Variants in CCNO observed in about 807,000 individuals in gnomAD.
CCNO encodes the protein cyclin O.
Under a neutral mutation model 23.9 loss-of-function variants are expected in CCNO, and 24 were observed. That is an observed-to-expected ratio of 1.00 (90% CI 0.73 to 1.41). The LOEUF (loss-of-function observed/expected upper bound fraction) is 1.41, where lower values mean the gene tolerates loss of function less well. Among genes scored for constraint, CCNO ranks in the 40% most tolerant of loss-of-function variants. The pLI, the probability that CCNO is intolerant of heterozygous loss-of-function variation, is 0.00. For synonymous variants in CCNO, 241 were observed against 225.7 expected (o/e 1.07, Z -0.61); for missense variants, 542 against 476.2 (o/e 1.14, Z -1.29).
chr5:55,231,362 C>T lies in CCNO; in HGVS notation c.*13G>A, dbSNP rs1342315516. On this transcript the variant is annotated 3_prime_UTR_variant, in exon 3 of 3. Transcript: ENST00000282572. ...AGCCGGGCCAGGGACTAAAAGGAAA[C>T]GAAGGATCTGTTTTATTTCGAGCTC... 6.2e-7 allele frequency: 1 copy of T among 1,612,160 alleles called. No individual in the cohort carries two copies. Among genetic ancestry groups the T allele is most frequent in the African/African-American group, 1.3e-5 (1 of 75,018 alleles).
chr5:55,231,419 C>A lies in CCNO; in HGVS notation c.1009G>T (p.Val337Phe), dbSNP rs781019332. The A allele has an allele frequency of 1.2e-6, 2 of 1,614,122 alleles. No homozygotes were observed. The highest frequency in any genetic ancestry group is 1.1e-5 in the South Asian group (1 of 91,082). The change falls in exon 3 of 3, where the codon GTT (valine) becomes TTT (phenylalanine). Residue 337 changes from valine (V) to phenylalanine (F), a missense_variant. By Grantham distance (50) the Val-to-Phe change is conservative. Coordinates refer to ENST00000282572, the MANE Select transcript of CCNO (RefSeq NM_021147.5). ...AGGCTGCACTTCTCGCAGATCTGAA[C>A]GGGCAGCATGTGAGTCAAGGAAGTA... Reference protein sequence around the residue: ...NSTSLTHMLPVQICEKCSLPP... With the variant: ...NSTSLTHMLPFQICEKCSLPP...
chr5:55,232,603 G>T (rs994757037), intron 1 of CCNO, 57 bp from the exon 2 acceptor site: 3 of 1,501,432 alleles, frequency 2.0e-6, no homozygotes, highest in Non-Finnish European at 2.8e-6. Flanking sequence ...GAGGGACTGT[G>T]GAAGGGAAGG....
intron 1 of CCNO, chr5:55,232,805 G>A (rs754783206): frequency 1.9e-5 from 11 of 590,632 alleles, no homozygotes; most frequent in South Asian, 8.5e-5. Flanking sequence ...GAAGGGGAGG[G>A]GTTCCATTTT....
At chr5:55,232,663 T>G in intron 1 of CCNO, 117 bp from the exon 2 acceptor site, 1 of 970,302 alleles carries the variant, frequency 1.0e-6, no homozygotes, top group Admixed American at 2.4e-5. Context: ...CAAGAAGATT[T>G]CAGAAAGAGA....
intron 1 of CCNO, chr5:55,232,925 T>C (rs2111720468): frequency 1.7e-6 from 1 of 604,724 alleles, no homozygotes; most frequent in East Asian, 2.8e-5. Context: ...GTAGCCAGCT[T>C]GGGACGGGGC....
In CCNO at chr5:55,231,617, C is replaced by T. The variant is rs779886252; in HGVS notation, c.811G>A (p.Ala271Thr). 4 of 1,610,514 alleles carry T rather than the reference C, an allele frequency of 2.5e-6. No individual in the cohort carries two copies. The Admixed American group carries it at 6.7e-5, about 27-fold the overall frequency. ...GAGTAGCTGGTGAAGGCATAGTCGG[C>T]CAGACTCAGCTCTGCCACCCCCCGC... ...LARGVAELSL[A>T]DYAFTSYSPS... Residue 271 changes from alanine (A) to threonine (T), a missense_variant, in exon 3 of 3, where the codon GCC becomes ACC. Transcript: ENST00000282572.
Position 55,231,645 on chromosome 5 carries a change from C to G in CCNO, c.783G>C (p.Leu261=). ...EASEALEAQA[L]ARGVAELSLA... is the part of the protein sequence containing the mutation. ...GACTCAGCTCTGCCACCCCCCGCGC[C>G]AGGGCTTGCGCTTCCAGAGCTTCGG... Residue 261 remains leucine, a synonymous_variant, in exon 3 of 3, where the codon CTG becomes CTC. Coordinates refer to ENST00000282572, the MANE Select transcript of CCNO (RefSeq NM_021147.5). 1 of 1,591,168 alleles carries G rather than the reference C, an allele frequency of 6.3e-7. No individual in the cohort carries two copies. Among genetic ancestry groups the G allele is most frequent in the Non-Finnish European group, 8.6e-7 (1 of 1,169,326 alleles).
intron 1 of CCNO, 79 bp downstream of exon 1, chr5:55,233,064 G>A (rs987026239): frequency 1.4e-6 from 2 of 1,443,586 alleles, no homozygotes; most frequent in African/African-American, 1.4e-5. Context: ...GCGCTCGGAG[G>A]GCCGAGCCGG....
chr5:55,233,606 G>A lies in CCNO; in HGVS notation c.-83C>T, dbSNP rs1470699772. 12 of 1,347,924 alleles carry A rather than the reference G, an allele frequency of 8.9e-6. No homozygotes were observed. The East Asian group carries it at 2.3e-4, about 26-fold the overall frequency. 83.5% of individuals were successfully genotyped at this position (1,347,924 alleles called of 1,614,324 possible). A position where few individuals can be genotyped will look rare whatever the true frequency, so the allele number is the denominator to read the frequency against. On this transcript the variant is annotated 5_prime_UTR_variant, in exon 1 of 3. Coordinates refer to ENST00000282572, the MANE Select transcript of CCNO (RefSeq NM_021147.5). ...ACGCGCACTCGAAAGTGCGAAGGAG[G>A]CCGGGCTCAGAGGCTGGCGCGGTCC...
Position 55,233,532 on chromosome 5 carries a change from C to T in CCNO, c.-9G>A, listed in dbSNP as rs1745668825. ...GGACAGGGGGTCACCATGATGCGGC[C>T]GGGTGGCCGCTTTACTACCTTCAAC... On this transcript the variant is annotated 5_prime_UTR_variant, in exon 1 of 3. Transcript: ENST00000282572. 4 of 1,538,820 alleles carry T rather than the reference C, an allele frequency of 2.6e-6. No individual in the cohort carries two copies. Among genetic ancestry groups the T allele is most frequent in the Non-Finnish European group, 3.5e-6 (4 of 1,147,018 alleles).
rs1373796675 is a variant in CCNO at position 55,231,240 on chromosome 5, C to T, written c.*135G>A. On this transcript the variant is annotated 3_prime_UTR_variant, in exon 3 of 3. Transcript: ENST00000282572. ...TAAATAAAATACCAGATGCTAGTAT[C>T]GTACACTATTTACAACCTGCAGCTG... 1 of 915,042 alleles carries T rather than the reference C, an allele frequency of 1.1e-6. No homozygotes were observed. The highest frequency in any genetic ancestry group is 1.6e-5 in the South Asian group (1 of 61,042). The allele number at this position is 915,042 out of a possible 1,614,324, so 56.7% of individuals were successfully genotyped here. A position where few individuals can be genotyped will look rare whatever the true frequency, so the allele number is the denominator to read the frequency against.
rs1299342018 is a variant in CCNO at position 55,233,508 on chromosome 5, G to T, written c.16C>A (p.Pro6Thr). Residue 6 changes from proline to threonine, a missense_variant, in exon 1 of 3, where the codon CCC becomes ACC. Physicochemically the swap from Pro to Thr is conservative, Grantham distance 38. Transcript: ENST00000282572. ...GCGGCGGGGCTCGAGGGGCTGGTGG[G>T]ACAGGGGGTCACCATGATGCGGCCG... MVTPC[P>T]TSPSSPAARA... 13 of 1,584,572 alleles carry T rather than the reference G, an allele frequency of 8.2e-6. No homozygotes were observed. The Admixed American group carries it at 1.7e-4, about 21-fold the overall frequency.
rs1402899958 is a variant in CCNO, at chr5:55,233,183, C to G, written c.341G>C (p.Ser114Thr). 1 of 1,550,584 alleles carries G rather than the reference C, an allele frequency of 6.4e-7. No individual in the cohort carries two copies. The highest frequency in any genetic ancestry group is 2.0e-5 in the Admixed American group (1 of 51,016). Residue 114 changes from serine to threonine, a missense_variant, in exon 1 of 3, where the codon AGC (serine) becomes ACC (threonine). By Grantham distance (58) the Ser-to-Thr change is moderately conservative (BLOSUM62 1). Transcript: ENST00000282572. ...SCYAFRKAQESHFHPREALAR... is the reference protein window; with the variant it reads ...SCYAFRKAQETHFHPREALAR... ...CAGCGCCTCCCGCGGGTGGAAGTGG[C>G]TCTCCTGCGCCTTGCGGAAGGCGTA...
chr5:55,233,577 G>A lies in CCNO; in HGVS notation c.-54C>T. 2.7e-6 allele frequency: 4 copies of A among 1,455,308 alleles called. No individual in the cohort carries two copies. Among genetic ancestry groups the A allele is most frequent in the South Asian group, 2.8e-5 (2 of 70,248 alleles). The allele number at this position is 1,455,308 out of a possible 1,614,324, so 90.1% of individuals were successfully genotyped here. A position where few individuals can be genotyped will look rare whatever the true frequency, so the allele number is the denominator to read the frequency against. ...TTCAACGCCCGGGCTGCGGCGGGCAGCAAACGCGCACTCGAAAGTGCGAAG... is the reference window on the plus strand; with the variant it reads ...TTCAACGCCCGGGCTGCGGCGGGCAACAAACGCGCACTCGAAAGTGCGAAG... On this transcript the variant is annotated 5_prime_UTR_variant, in exon 1 of 3. Coordinates refer to ENST00000282572, the MANE Select transcript of CCNO (RefSeq NM_021147.5).
chr5:55,233,345 A>G lies in CCNO; in HGVS notation c.179T>C (p.Leu60Pro), dbSNP rs1358597006. The G allele has an allele frequency of 1.2e-6, 2 of 1,608,214 alleles. No homozygotes were observed. The highest frequency in any genetic ancestry group is 2.2e-5 in the South Asian group (2 of 90,522). ...TGAGCCGGAGCTGGGGGACTCGAACAGGTCGCAAATGCCGGAGTCTCCCGG... is the reference window on the plus strand; with the variant it reads ...TGAGCCGGAGCTGGGGGACTCGAACGGGTCGCAAATGCCGGAGTCTCCCGG... ...PLPGDSGICDLFESPSSGSDG... is the reference protein window; with the variant it reads ...PLPGDSGICDPFESPSSGSDG... The change falls in exon 1 of 3, where the codon CTG becomes CCG. Residue 60 changes from leucine to proline, a missense_variant. Leu to Pro is a moderately conservative substitution (Grantham distance 98). Coordinates refer to ENST00000282572, the MANE Select transcript of CCNO (RefSeq NM_021147.5).
In CCNO at chr5:55,233,589, TCGAAAG is replaced by T. The variant is rs1745671895; in HGVS notation, c.-72_-67del. 4.2e-6 allele frequency: 6 copies of T among 1,433,060 alleles called. No individual in the cohort carries two copies. The South Asian group carries it at 8.7e-5, about 21-fold the overall frequency. 88.8% of individuals were successfully genotyped at this position (1,433,060 alleles called of 1,614,324 possible). Reference sequence around the variant, plus strand: ...GCTGCGGCGGGCAGCAAACGCGCACTCGAAAGTGCGAAGGAGGCCGGGCTCAGAGGC... The same window carrying T: ...GCTGCGGCGGGCAGCAAACGCGCACTTGCGAAGGAGGCCGGGCTCAGAGGC... On this transcript the variant is annotated 5_prime_UTR_variant, in exon 1 of 3. Coordinates refer to ENST00000282572, the MANE Select transcript of CCNO (RefSeq NM_021147.5).
At position 55,233,431 on chromosome 5, in the gene CCNO, C is replaced by T. The variant is rs767253787; in HGVS notation, c.93G>A (p.Lys31=). Reference sequence around the variant, plus strand: ...TCCTCCGGAGGCGCGGACGCCTGCTCTTCTTCACCGGGGCGCGAAGGTTCT... The same window carrying T: ...TCCTCCGGAGGCGCGGACGCCTGCTTTTCTTCACCGGGGCGCGAAGGTTCT... The part of the protein sequence containing the change: ...NDQNLRAPVK[K]SRRPRLRRKQ... The change falls in exon 1 of 3, where the codon AAG becomes AAA. Residue 31 remains lysine (K), a synonymous_variant. Coordinates refer to ENST00000282572, the MANE Select transcript of CCNO (RefSeq NM_021147.5). 6.7e-5 allele frequency: 108 copies of T among 1,606,792 alleles called. No homozygotes were observed. The South Asian group carries it at 9.7e-4, about 14-fold the overall frequency.
Position 55,233,256 on chromosome 5 carries a change from C to T in CCNO, c.268G>A (p.Val90Met). 1 of 1,586,956 alleles carries T rather than the reference C, an allele frequency of 6.3e-7. No homozygotes were observed. ...AAGGTCTGTAGATCTAGCTGCGCCA[C>T]GGGCTGGGCCGGGCCGGGCAGGGGG... The part of the protein sequence containing the change: ...GSPLPGPAQP[V>M]AQLDLQTFRD... The change falls in exon 1 of 3, where the codon GTG (valine) becomes ATG (methionine). Residue 90 changes from valine (V) to methionine (M), a missense_variant. Transcript: ENST00000282572.
Position 55,233,266 on chromosome 5 carries a change from C to T in CCNO, c.258G>A (p.Pro86=), listed in dbSNP as rs1475094746. ...AARGGSPLPG[P]AQPVAQLDLQ... ...GATCTAGCTGCGCCACGGGCTGGGC[C>T]GGGCCGGGCAGGGGGCTACCACCCC... Residue 86 remains proline, a synonymous_variant, in exon 1 of 3, where the codon CCG becomes CCA. Transcript: ENST00000282572. 1.3e-5 allele frequency: 20 copies of T among 1,589,752 alleles called. No homozygotes were observed. In the East Asian group the frequency reaches 2.0e-4, roughly 16 times the overall value.
Sources: gnomAD v4.1 joint callset for allele counts on GRCh38, gnomAD v4.1.1 for gene constraint, MANE v1.5 for transcripts, NCBI Gene and HGNC (gene_info 2026-07-23, HGNC 2026-07-21) for gene names.